Variants in APPBP2 observed in about 807,000 individuals in gnomAD.
APPBP2 encodes amyloid beta precursor protein binding protein 2, also known as amyloid protein-binding protein 2.
APPBP2 carries 15 observed loss-of-function variants against 76.0 expected under a neutral mutation model. That is an observed-to-expected ratio of 0.20 (90% CI 0.13 to 0.30). The LOEUF (loss-of-function observed/expected upper bound fraction) is 0.30, where lower values mean the gene tolerates loss of function less well. APPBP2 is among the 10% of genes least tolerant of loss of function. APPBP2 has a pLI of 1.00. For missense variants in APPBP2, 401 were observed against 687.2 expected, an observed-to-expected ratio of 0.58 and a Z score of 4.66; for synonymous variants, 222 against 242.2, an observed-to-expected ratio of 0.92 and a Z score of 0.77.
At chr17:60,466,756 T>C (rs542230480) in intron 4 of APPBP2, among the ~76,000 whole-genome samples, 1 of 152,356 alleles carries the variant, frequency 6.6e-6, no homozygotes, top group Admixed American at 6.5e-5. Context: ...AATCTTTTTG[T>C]TCCAAATCCA....
At chr17:60,450,453 G>C (rs906052435) in intron 12 of APPBP2, among the ~76,000 whole-genome samples, 2 of 128,678 alleles carry the variant, frequency 1.6e-5, no homozygotes, top group Non-Finnish European at 3.3e-5. Flanking sequence ...AAAAAAAAAA[G>C]AAAATACTGA....
At chr17:60,498,583 A>G (rs2090795833) in intron 2 of APPBP2, among the ~76,000 whole-genome samples, 1 of 151,978 alleles carries the variant, frequency 6.6e-6, no homozygotes, top group African/African-American at 2.4e-5. Flanking sequence ...ATAAAACACC[A>G]TATATATATA....
chr17:60,496,704 A>T (rs1293267115), intron 2 of APPBP2, among the ~76,000 whole-genome samples: 1 of 152,050 alleles, frequency 6.6e-6, no homozygotes, highest in Non-Finnish European at 1.5e-5. Flanking sequence ...TGAACACTGA[A>T]ATCATGCTGT....
intron 2 of APPBP2, 84 bp downstream of exon 2, chr17:60,500,315 G>A: frequency 1.0e-6 from 1 of 968,514 alleles, no homozygotes. Context: ...CCCACAATGT[G>A]AATATACTTA....
At chr17:60,516,891 G>C (rs913422959) in intron 1 of APPBP2, among the ~76,000 whole-genome samples, 1 of 152,084 alleles carries the variant, frequency 6.6e-6, no homozygotes, top group Non-Finnish European at 1.5e-5. Context: ...CTTCTCTGAA[G>C]ACAAAATAAG....
At chr17:60,469,054 T>C (rs1234659283) in intron 4 of APPBP2, among the ~76,000 whole-genome samples, 1 of 152,086 alleles carries the variant, frequency 6.6e-6, no homozygotes, top group Admixed American at 6.6e-5. Flanking sequence ...TGTAAGTGTC[T>C]TTTTCTTAGA....
intron 3 of APPBP2, among the ~76,000 whole-genome samples, chr17:60,482,449 A>C (rs566468964): frequency 1.3e-5 from 2 of 152,238 alleles, no homozygotes; most frequent in South Asian, 4.2e-4. Flanking sequence ...TTTAGGATTA[A>C]AAATTTATTA....
chr17:60,505,691 T>TTTG (rs2090862146), intron 1 of APPBP2, among the ~76,000 whole-genome samples: 1 of 142,396 alleles, frequency 7.0e-6, no homozygotes. Context: ...TTTTTTTTTT[T>TTTG]TTTTTTTTTT....
intron 1 of APPBP2, among the ~76,000 whole-genome samples, chr17:60,520,985 G>A (rs2091005899): frequency 6.6e-6 from 1 of 152,112 alleles, no homozygotes; most frequent in Admixed American, 6.5e-5. Flanking sequence ...AGTATTCACA[G>A]GCACGACCGC....
Position 60,446,013 on chromosome 17 carries a change from A to G in APPBP2, c.*1568T>C, listed in dbSNP as rs1366489465. 3 of 152,220 alleles carry G rather than the reference A, an allele frequency of 2.0e-5. No individual in the cohort carries two copies. The highest frequency in any genetic ancestry group is 7.2e-5 in the African/African-American group (3 of 41,462). The allele number at this position is 152,220 out of a possible 1,614,324, so 9.4% of individuals were successfully genotyped here. On this transcript the variant is annotated 3_prime_UTR_variant, in exon 13 of 13. Transcript: ENST00000083182. ...GAAATCTACAACTTTTCTGTACTCA[A>G]TGTGGCAGACAGCTTAGATTTTTTT...
At chr17:60,491,431 T>TTATTTTTATTTTTTTATTTG (rs2143422266) in intron 3 of APPBP2, among the ~76,000 whole-genome samples, 1 of 152,256 alleles carries the variant, frequency 6.6e-6, no homozygotes, top group Non-Finnish European at 1.5e-5. Context: ...TTTTTTATTT[T>TTATTTTTATTTTTTTATTTG]TATTTTTTTG....
At chr17:60,482,471 T>C (rs2090637752) in intron 3 of APPBP2, among the ~76,000 whole-genome samples, 2 of 152,196 alleles carry the variant, frequency 1.3e-5, no homozygotes, top group South Asian at 2.1e-4. Context: ...TATTATACTT[T>C]AAGTTCTAGG....
chr17:60,505,504 A>G (rs1305898266), intron 1 of APPBP2, among the ~76,000 whole-genome samples: 1 of 150,788 alleles, frequency 6.6e-6, no homozygotes, highest in Non-Finnish European at 1.5e-5. Context: ...TTTAGTAGAG[A>G]CGGGGCTTCA....
intron 3 of APPBP2, among the ~76,000 whole-genome samples, chr17:60,493,453 T>A (rs1462380981): frequency 6.6e-6 from 1 of 152,196 alleles, no homozygotes; most frequent in Non-Finnish European, 1.5e-5. Context: ...TCTACATGTA[T>A]AGCACACAAA....
intron 1 of APPBP2, among the ~76,000 whole-genome samples, chr17:60,520,097 T>C (rs73330241): frequency 9.6e-4 from 146 of 152,212 alleles, no homozygotes; most frequent in African/African-American, 3.1e-3. Context: ...AGTGTATTTT[T>C]TTAAATTCTC....
chr17:60,519,746 T>C (rs1373059051), intron 1 of APPBP2, among the ~76,000 whole-genome samples: 1 of 151,854 alleles, frequency 6.6e-6, no homozygotes, highest in Non-Finnish European at 1.5e-5. Flanking sequence ...TAATTTATTC[T>C]GATACTTTTA....
At chr17:60,482,958 G>A (rs1213831662) in intron 3 of APPBP2, among the ~76,000 whole-genome samples, 2 of 152,182 alleles carry the variant, frequency 1.3e-5, no homozygotes, top group African/African-American at 4.8e-5. Context: ...TAATGGGATT[G>A]CAGGGTCAAA....
chr17:60,509,996 A>T (rs1296642213), intron 1 of APPBP2, among the ~76,000 whole-genome samples: 2 of 152,224 alleles, frequency 1.3e-5, no homozygotes, highest in Non-Finnish European at 2.9e-5. Flanking sequence ...CTTTTTAAAA[A>T]AGGAAGTCTT....
At chr17:60,510,979 G>T (rs1452996545) in intron 1 of APPBP2, among the ~76,000 whole-genome samples, 1 of 152,032 alleles carries the variant, frequency 6.6e-6, no homozygotes, top group Non-Finnish European at 1.5e-5. Flanking sequence ...TTAAAAGAAT[G>T]AACTTATGTG....
Sources: gnomAD v4.1 joint callset for allele counts (sites outside exome capture counted in the v4.1 genomes callset) on GRCh38, gnomAD v4.1.1 for gene constraint, MANE v1.5 for transcripts, NCBI Gene and HGNC (gene_info 2026-07-23, HGNC 2026-07-21) for gene names.